The following CEP112 variants were observed in gnomAD, a reference collection of about 807,000 sequenced individuals.
The protein encoded by CEP112 is centrosomal protein of 112 kDa.
In CEP112, 127 loss-of-function variants were observed where a neutral mutation model predicts 153.0. The observed-to-expected ratio is 0.83, with a 90% CI of 0.72 to 0.96. CEP112 has a LOEUF of 0.96. CEP112 is among the 40% of genes least tolerant of loss of function. The probability of loss-of-function intolerance (pLI) is 0.00; values close to 1 mark genes in which losing one functional copy is unlikely to be tolerated. For synonymous variants in CEP112, 358 were observed against 374.4 expected (o/e 0.96, Z 0.51); for missense variants, 1,089 against 1,101.2 (o/e 0.99, Z 0.16).
chr17:65,946,480 T>A (rs2061652375), intron 18 of CEP112, among the ~76,000 whole-genome samples: 1 of 152,198 alleles, frequency 6.6e-6, no homozygotes, highest in South Asian at 2.1e-4. Flanking sequence ...TGAATCAGAC[T>A]GATCATATAG....
chr17:65,813,887 T>C (rs1275794716), intron 21 of CEP112, among the ~76,000 whole-genome samples: 1 of 152,242 alleles, frequency 6.6e-6, no homozygotes, highest in Non-Finnish European at 1.5e-5. Context: ...ATTTTTTTTA[T>C]GACATTGACA....
At chr17:65,667,829 A>T (rs1271451961) in intron 24 of CEP112, among the ~76,000 whole-genome samples, 1 of 152,080 alleles carries the variant, frequency 6.6e-6, no homozygotes, top group East Asian at 1.9e-4. Context: ...CTCACCTAGC[A>T]GTGACGTCTG....
intron 24 of CEP112, among the ~76,000 whole-genome samples, chr17:65,643,152 G>A (rs940005020): frequency 6.6e-5 from 10 of 152,184 alleles, no homozygotes; most frequent in Non-Finnish European, 1.2e-4. Flanking sequence ...AGTCCCAAGA[G>A]GGGCTTATTG....
intron 21 of CEP112, among the ~76,000 whole-genome samples, chr17:65,846,638 G>A (rs1034685801): frequency 7.9e-5 from 12 of 152,094 alleles, no homozygotes; most frequent in African/African-American, 2.9e-4. Flanking sequence ...GCGCAATCTC[G>A]GCTCACTACA....
intron 24 of CEP112, among the ~76,000 whole-genome samples, chr17:65,649,078 ACACACAC>A (rs2045602237): frequency 2.2e-3 from 323 of 144,602 alleles, no homozygotes; most frequent in African/African-American, 6.9e-3. Flanking sequence ...AAACAAACAC[ACACACAC>A]ACACACACAC....
intron 16 of CEP112, among the ~76,000 whole-genome samples, chr17:66,006,973 C>T (rs1291886969): frequency 6.6e-6 from 1 of 152,130 alleles, no homozygotes; most frequent in Non-Finnish European, 1.5e-5. Flanking sequence ...CAGGGCTAGC[C>T]AAAAATACCT....
chr17:66,057,663 A>G (rs1375333807), intron 11 of CEP112, among the ~76,000 whole-genome samples: 1 of 152,054 alleles, frequency 6.6e-6, no homozygotes, highest in African/African-American at 2.4e-5. Flanking sequence ...GACTACATAA[A>G]TAACAAAGTG....
Position 65,934,680 on chromosome 17 carries a change from G to A in CEP112, c.1873-6991C>T, listed in dbSNP as rs185785522. On this transcript the variant is annotated intron_variant, in intron 18 of 26. Transcript: ENST00000535342. Reference sequence around the variant, plus strand: ...TTATGGACACAAATAGACTAAAAGCGAAGGGATAGAAAAGATATTTCATGC... The same window carrying A: ...TTATGGACACAAATAGACTAAAAGCAAAGGGATAGAAAAGATATTTCATGC... Among the ~76,000 whole-genome samples the A allele has an allele frequency of 9.5e-4, 144 of 152,260 alleles. 4 individuals are homozygous for A. The highest frequency in any genetic ancestry group is 9.1e-3 in the South Asian group (44 of 4,822).
intron 21 of CEP112, among the ~76,000 whole-genome samples, chr17:65,837,499 C>T (rs1379514585): frequency 6.6e-6 from 1 of 151,884 alleles, no homozygotes; most frequent in Admixed American, 6.6e-5. Context: ...GCTGCCACCC[C>T]GTCTGGGAGG....
chr17:65,788,372 C>T (rs1340748627), intron 21 of CEP112, among the ~76,000 whole-genome samples: 1 of 152,092 alleles, frequency 6.6e-6, no homozygotes, highest in Non-Finnish European at 1.5e-5. Flanking sequence ...TTGCTTTTTA[C>T]TGTTCCTGGC....
At chr17:66,149,867 G>GGTTTTTTTGTTT in intron 4 of CEP112, among the ~76,000 whole-genome samples, 1 of 113,150 alleles carries the variant, frequency 8.8e-6, no homozygotes, top group South Asian at 3.3e-4. Flanking sequence ...GTAAATTTAG[G>GGTTTTTTTGTTT]GTTTTTTTTT....
At chr17:65,857,029 G>T (rs2058144647) in intron 20 of CEP112, among the ~76,000 whole-genome samples, 1 of 152,204 alleles carries the variant, frequency 6.6e-6, no homozygotes. Flanking sequence ...ATACTGCGAT[G>T]AAGCAAATAT....
chr17:66,069,276 A>G (rs2067226721), intron 9 of CEP112, among the ~76,000 whole-genome samples: 1 of 152,010 alleles, frequency 6.6e-6, no homozygotes, highest in East Asian at 1.9e-4. Context: ...ACATACATAC[A>G]TTATTATCAC....
chr17:65,883,756 T>G lies in CEP112; in HGVS notation c.2163+18396A>C, dbSNP rs568372856. 3.3e-5 allele frequency among the ~76,000 whole-genome samples: 5 copies of G among 152,280 alleles called. No homozygotes were observed. In the East Asian group the frequency reaches 9.6e-4, roughly 29 times the overall value. The stretch of plus-strand genomic sequence containing the variant: ...CCAATGTACATTTTGAAAAAGATCA[T>G]CATGTCTGTTGAGAAAAATAAGAGA... On this transcript the variant is annotated intron_variant, in intron 20 of 26. Coordinates refer to ENST00000535342, the MANE Select transcript of CEP112 (RefSeq NM_001199165.4).
At chr17:65,880,286 T>G (rs1051790439) in intron 20 of CEP112, among the ~76,000 whole-genome samples, 5 of 152,194 alleles carry the variant, frequency 3.3e-5, no homozygotes, top group African/African-American at 1.2e-4. Context: ...TTACCTTATT[T>G]TTTCTCATCT....
intron 11 of CEP112, 97 bp from the exon 12 acceptor site, chr17:66,053,976 A>G: frequency 2.3e-6 from 2 of 883,202 alleles, no homozygotes; most frequent in South Asian, 4.3e-5. Flanking sequence ...CTCTATTTAT[A>G]TATATGATGA....
At chr17:66,164,956 A>T (rs2071888500) in intron 4 of CEP112, among the ~76,000 whole-genome samples, 1 of 146,686 alleles carries the variant, frequency 6.8e-6, no homozygotes, top group Non-Finnish European at 1.5e-5. Context: ...TTTTGTTAGT[A>T]GGAGCTCCTC....
At chr17:65,763,480 A>G (rs1233905349) in intron 21 of CEP112, among the ~76,000 whole-genome samples, 1 of 151,844 alleles carries the variant, frequency 6.6e-6, no homozygotes, top group African/African-American at 2.4e-5. Flanking sequence ...TCTCAACTAC[A>G]AAAGATATTT....
chr17:66,017,378 C>A (rs889377213), intron 16 of CEP112, among the ~76,000 whole-genome samples: 2 of 152,064 alleles, frequency 1.3e-5, no homozygotes, highest in African/African-American at 4.8e-5. Context: ...AAGGGACTCC[C>A]CTCTGAGGTA....
Sources: allele counts gnomAD v4.1 joint callset (sites outside exome capture counted in the v4.1 genomes callset), GRCh38; gene constraint gnomAD v4.1.1; transcripts MANE v1.5; gene names NCBI Gene and HGNC (gene_info 2026-07-23, HGNC 2026-07-21).